The following PLCL1 variants were observed in gnomAD, a reference collection of about 807,000 sequenced individuals.
PLCL1 encodes phospholipase C like 1 (inactive).
PLCL1 carries 41 observed loss-of-function variants against 84.4 expected under a neutral mutation model. The ratio of observed to expected loss-of-function variants is 0.49; its 90% CI spans 0.38 to 0.63. PLCL1 has a LOEUF of 0.63. Among genes scored for constraint, PLCL1 ranks in the 30% least tolerant of loss-of-function variants. The probability of loss-of-function intolerance (pLI) is 0.00; values close to 1 mark genes in which losing one functional copy is unlikely to be tolerated. For synonymous variants in PLCL1, 490 were observed against 488.3 expected, an observed-to-expected ratio of 1.00 and a Z score of -0.05; for missense variants, 1,206 against 1,367.8, an observed-to-expected ratio of 0.88 and a Z score of 1.87.
chr2:197,905,509 G>C (rs527497571), intron 1 of PLCL1, among the ~76,000 whole-genome samples: 14 of 152,264 alleles, frequency 9.2e-5, no homozygotes, highest in African/African-American at 3.4e-4. Flanking sequence ...ATGGGCATTT[G>C]GGTTGGTTCC....
At chr2:197,967,358 A>T (rs917787789) in intron 1 of PLCL1, among the ~76,000 whole-genome samples, 3 of 152,024 alleles carry the variant, frequency 2.0e-5, no homozygotes, top group Non-Finnish European at 2.9e-5. Context: ...CACCACGCCC[A>T]GCTAATTTTT....
chr2:198,069,641 A>C (rs974485007), intron 1 of PLCL1, among the ~76,000 whole-genome samples: 1 of 152,218 alleles, frequency 6.6e-6, no homozygotes, highest in African/African-American at 2.4e-5. Context: ...GGAGGCAATA[A>C]GCCTGGTGGT....
At chr2:198,141,220 T>G (rs1021537545) in intron 5 of PLCL1, among the ~76,000 whole-genome samples, 4 of 152,202 alleles carry the variant, frequency 2.6e-5, no homozygotes, top group African/African-American at 9.6e-5. Flanking sequence ...AAATATTTGG[T>G]TGCTGAGGTG....
At chr2:197,936,114 G>A (rs1262545309) in intron 1 of PLCL1, among the ~76,000 whole-genome samples, 2 of 149,066 alleles carry the variant, frequency 1.3e-5, no homozygotes, top group South Asian at 2.1e-4. Flanking sequence ...TTGTGTGTAT[G>A]TATACATATA....
chr2:197,869,067 A>G (rs1334607045), intron 1 of PLCL1, among the ~76,000 whole-genome samples: 2 of 152,204 alleles, frequency 1.3e-5, no homozygotes, highest in Non-Finnish European at 2.9e-5. Context: ...AATGTTTACC[A>G]GAGTCCTCTC....
chr2:197,876,366 C>T (rs1461826846), intron 1 of PLCL1, among the ~76,000 whole-genome samples: 1 of 152,130 alleles, frequency 6.6e-6, no homozygotes, highest in Non-Finnish European at 1.5e-5. Flanking sequence ...GGAATCTAAT[C>T]TGAAATATAC....
Position 198,146,785 on chromosome 2 carries a change from A to G in PLCL1, c.3111A>G (p.Gln1037=). The stretch of plus-strand genomic sequence containing the variant: ...CTGTTTTTTTCTGTTTGTAGGGCCA[A>G]GGAGATCTGTTGAAGAATGCCAAGA... ...FAWNITVLKG[Q]GDLLKNAKNE... Residue 1037 remains glutamine (Q), a synonymous_variant, in exon 6 of 6, where the codon CAA becomes CAG. Transcript: ENST00000428675. 1 of 1,611,618 alleles carries G rather than the reference A, an allele frequency of 6.2e-7. No individual in the cohort carries two copies. The highest frequency in any genetic ancestry group is 8.5e-7 in the Non-Finnish European group (1 of 1,178,872).
At chr2:197,891,474 G>T (rs1275571666) in intron 1 of PLCL1, among the ~76,000 whole-genome samples, 1 of 152,132 alleles carries the variant, frequency 6.6e-6, no homozygotes, top group East Asian at 1.9e-4. Flanking sequence ...TTGACACTTT[G>T]AGAAACAGAC....
chr2:198,140,911 A>G (rs1255641609), intron 5 of PLCL1, among the ~76,000 whole-genome samples: 1 of 152,196 alleles, frequency 6.6e-6, no homozygotes, highest in Non-Finnish European at 1.5e-5. Flanking sequence ...TACATCCTTT[A>G]TGTAACTAAT....
At chr2:197,931,450 C>A (rs764998172) in intron 1 of PLCL1, among the ~76,000 whole-genome samples, 2 of 152,084 alleles carry the variant, frequency 1.3e-5, no homozygotes, top group Non-Finnish European at 1.5e-5. Context: ...CAGTCTACAC[C>A]GGCTGATCTT....
intron 1 of PLCL1, among the ~76,000 whole-genome samples, chr2:197,951,550 G>A (rs1357749676): frequency 2.6e-5 from 4 of 152,122 alleles, no homozygotes; most frequent in Non-Finnish European, 4.4e-5. Context: ...GGAGGAAGCC[G>A]GTCTGCAGTG....
chr2:197,866,032 A>ATATATATAT (rs1460970872), intron 1 of PLCL1, among the ~76,000 whole-genome samples: 16 of 56,276 alleles, frequency 2.8e-4, no homozygotes, highest in Non-Finnish European at 3.8e-4. Flanking sequence ...AAAAAAAAAA[A>ATATATATAT]AAAAATATAT....
intron 1 of PLCL1, among the ~76,000 whole-genome samples, chr2:198,026,297 G>A (rs7592556): frequency 0.72 from 109,095 of 152,128 alleles, 39,883 homozygotes; most frequent in Middle Eastern, 0.85. Context: ...AGATAGGGAT[G>A]TAAAATGCTG....
chr2:197,955,585 G>A (rs1219326401), intron 1 of PLCL1, among the ~76,000 whole-genome samples: 1 of 151,280 alleles, frequency 6.6e-6, no homozygotes, highest in Non-Finnish European at 1.5e-5. Flanking sequence ...TCCCCTCTCT[G>A]TGTCCAAGTG....
At chr2:197,859,899 G>T (rs113306945) in intron 1 of PLCL1, among the ~76,000 whole-genome samples, 4 of 152,110 alleles carry the variant, frequency 2.6e-5, no homozygotes, top group African/African-American at 9.6e-5. Flanking sequence ...TTAAGTTCAG[G>T]GGTACATGTG....
chr2:197,911,327 A>T (rs1296195381), intron 1 of PLCL1, among the ~76,000 whole-genome samples: 1 of 152,070 alleles, frequency 6.6e-6, no homozygotes, highest in Admixed American at 6.6e-5. Context: ...ACAGAGTGTG[A>T]CCCTGTCTCA....
At chr2:197,983,267 G>A (rs1690156233) in intron 1 of PLCL1, among the ~76,000 whole-genome samples, 1 of 121,014 alleles carries the variant, frequency 8.3e-6, no homozygotes, top group Non-Finnish European at 1.6e-5. Context: ...TGTTGCTGAG[G>A]CTGCCAGGCT....
intron 3 of PLCL1, 32 bp from the exon 4 acceptor site, chr2:198,101,247 TTCTGAC>T (rs1396784786): frequency 7.8e-7 from 1 of 1,274,924 alleles, no homozygotes; most frequent in South Asian, 1.3e-5. Flanking sequence ...AGTTCAAGGA[TTCTGAC>T]AACCACCTTT....
At chr2:198,123,895 TC>T (rs1472635147) in intron 5 of PLCL1, among the ~76,000 whole-genome samples, 3 of 151,994 alleles carry the variant, frequency 2.0e-5, no homozygotes, top group African/African-American at 7.2e-5. Flanking sequence ...TGCACCCCTC[TC>T]CAGCCCCCCA....
Sources: gnomAD v4.1 joint callset for allele counts (sites outside exome capture counted in the v4.1 genomes callset) on GRCh38, gnomAD v4.1.1 for gene constraint, MANE v1.5 for transcripts, NCBI Gene and HGNC (gene_info 2026-07-23, HGNC 2026-07-21) for gene names.